Variants in VPS29 observed in about 807,000 individuals in gnomAD.
VPS29 encodes VPS29 retromer complex component, also known as vacuolar protein sorting-associated protein 29.
A neutral mutation model predicts 20.0 loss-of-function variants in VPS29; 2 were observed. That is an observed-to-expected ratio of 0.10 (90% confidence interval 0.04 to 0.31). VPS29 has a LOEUF of 0.31. VPS29 is among the 10% of genes least tolerant of loss of function. The pLI is 1.00. For missense variants in VPS29, 120 were observed against 215.3 expected (o/e 0.56, Z 2.77); for synonymous variants, 81 against 79.3 (o/e 1.02, Z -0.12).
In VPS29 at chr12:110,491,968, TG is replaced by T; in HGVS notation, c.*36del. 6.6e-7 allele frequency: 1 copy of T among 1,509,338 alleles called. No individual in the cohort carries two copies. The highest frequency in any genetic ancestry group is 9.2e-7 in the Non-Finnish European group (1 of 1,090,644). The allele number at this position is 1,509,338 out of a possible 1,614,324, so 93.5% of individuals were successfully genotyped here. A position where few individuals can be genotyped will look rare whatever the true frequency, so the allele number is the denominator to read the frequency against. ...TAATTACTTGATTTCAACAGGACAATGAAAAAAAACCAAAAATCATCAAGAC... is the reference window on the plus strand; with the variant it reads ...TAATTACTTGATTTCAACAGGACAATAAAAAAAACCAAAAATCATCAAGAC... On this transcript the variant is annotated 3_prime_UTR_variant, in exon 4 of 4. Transcript: ENST00000549578.
intron 2 of VPS29, among the ~76,000 whole-genome samples, chr12:110,494,549 C>T (rs1299899656): frequency 2.0e-5 from 3 of 151,476 alleles, no homozygotes; most frequent in Non-Finnish European, 4.4e-5. Flanking sequence ...CCACCGCACC[C>T]GGCCTAAAAT....
At chr12:110,494,166 G>A (rs566567480) in intron 2 of VPS29, among the ~76,000 whole-genome samples, 1 of 151,560 alleles carries the variant, frequency 6.6e-6, no homozygotes, top group South Asian at 2.1e-4. Context: ...TGCCCCTTCA[G>A]TTTGGTTTAA....
chr12:110,498,663 TTAAG>T (rs2062946144), intron 1 of VPS29: 2 of 186,886 alleles, frequency 1.1e-5, no homozygotes, highest in South Asian at 1.8e-4. Flanking sequence ...TTTAAAATTG[TTAAG>T]TAAGATTCTT....
chr12:110,501,775 T>A, intron 1 of VPS29: 1 of 1,081,432 alleles, frequency 9.2e-7, no homozygotes, highest in South Asian at 1.3e-5. Flanking sequence ...GCGTGTCTCG[T>A]GACAGGTCGG....
At chr12:110,500,130 AC>A in intron 1 of VPS29, among the ~76,000 whole-genome samples, 1 of 152,364 alleles carries the variant, frequency 6.6e-6, no homozygotes, top group South Asian at 2.1e-4. Context: ...GAACAAATCA[AC>A]TAAAGGTGAA....
chr12:110,499,685 A>T (rs978801824), intron 1 of VPS29: 1 of 642,944 alleles, frequency 1.6e-6, no homozygotes, highest in Non-Finnish European at 2.7e-6. Context: ...ATGAGCAAAC[A>T]ATTGTTAATG....
At chr12:110,501,724 A>G (rs1455089588) in intron 1 of VPS29, 1 of 1,237,950 alleles carries the variant, frequency 8.1e-7, no homozygotes, top group Non-Finnish European at 1.1e-6. Context: ...TCCCCGGAAC[A>G]TTCGAGGTAT....
intron 1 of VPS29, chr12:110,501,625 C>A: frequency 6.5e-7 from 1 of 1,534,226 alleles, no homozygotes; most frequent in Non-Finnish European, 8.7e-7. Flanking sequence ...TTCGAGAGGC[C>A]AGCTTCCACC....
chr12:110,497,760 G>A (rs907578496), intron 1 of VPS29, among the ~76,000 whole-genome samples: 5 of 151,456 alleles, frequency 3.3e-5, no homozygotes, highest in African/African-American at 1.2e-4. Flanking sequence ...AGCTGGGCAC[G>A]GTGGCAGGCG....
chr12:110,493,074 T>C lies in VPS29; in HGVS notation c.353A>G (p.Lys118Arg). Reference sequence around the variant, plus strand: ...ATTTTCATGCTCAAATGCTTCAAATTTGTGTGTGTGTCCCGAGATAAGAAT... The same window carrying C: ...ATTTTCATGCTCAAATGCTTCAAATCTGTGTGTGTGTCCCGAGATAAGAAT... ...VDILISGHTHKFEAFEHENKF... is the reference protein window; with the variant it reads ...VDILISGHTHRFEAFEHENKF... Residue 118 changes from lysine to arginine, a missense_variant, in exon 3 of 4, where the codon AAA becomes AGA. Physicochemically the swap from Lys to Arg is conservative, Grantham distance 26. Coordinates refer to ENST00000549578, the MANE Select transcript of VPS29 (RefSeq NM_016226.5). 6.2e-7 allele frequency: 1 copy of C among 1,614,072 alleles called. No individual in the cohort carries two copies. Among genetic ancestry groups the C allele is most frequent in the Non-Finnish European group, 8.5e-7 (1 of 1,180,004 alleles).
chr12:110,501,537 G>C, intron 1 of VPS29: 1 of 1,535,430 alleles, frequency 6.5e-7, no homozygotes, highest in Non-Finnish European at 8.7e-7. Flanking sequence ...TCAGGAGCGA[G>C]GAGGGTGGTT....
chr12:110,498,488 A>G lies in VPS29; in HGVS notation c.4-2285T>C, dbSNP rs540753909. On this transcript the variant is annotated intron_variant, in intron 1 of 3. Coordinates refer to ENST00000549578, the MANE Select transcript of VPS29 (RefSeq NM_016226.5). Reference sequence around the variant, plus strand: ...AGACTTTGTAAATGAAAATTAATCAAACAAACAAAATGTATGAAATTAAAA... The same window carrying G: ...AGACTTTGTAAATGAAAATTAATCAGACAAACAAAATGTATGAAATTAAAA... Among the ~76,000 whole-genome samples, 17 of 152,326 alleles carry G rather than the reference A, an allele frequency of 1.1e-4. No individual in the cohort carries two copies. In the South Asian group the frequency reaches 3.5e-3, roughly 32 times the overall value.
At chr12:110,492,824 A>G in intron 3 of VPS29, 172 bp downstream of exon 3, 1 of 591,634 alleles carries the variant, frequency 1.7e-6, no homozygotes, top group Non-Finnish European at 2.9e-6. Flanking sequence ...GGGTCTCACC[A>G]TATTGTCTAG....
chr12:110,498,097 G>A (rs1014632243), intron 1 of VPS29, among the ~76,000 whole-genome samples: 3 of 149,648 alleles, frequency 2.0e-5, no homozygotes, highest in Non-Finnish European at 4.4e-5. Context: ...TCAGCCTCCC[G>A]AGTAGCTGGG....
chr12:110,499,433 T>C, intron 1 of VPS29: 1 of 1,521,240 alleles, frequency 6.6e-7, no homozygotes, highest in Non-Finnish European at 8.9e-7. Flanking sequence ...AGCATGGGAA[T>C]TCGGTTACTT....
At chr12:110,499,471 A>C (rs934938992) in intron 1 of VPS29, 2 of 1,608,240 alleles carry the variant, frequency 1.2e-6, no homozygotes, top group African/African-American at 2.7e-5. Context: ...AAAGGGTAAG[A>C]AATCCAGTCA....
chr12:110,497,392 T>C (rs1033197971), intron 1 of VPS29, among the ~76,000 whole-genome samples: 3 of 151,400 alleles, frequency 2.0e-5, no homozygotes, highest in Non-Finnish European at 1.5e-5. Flanking sequence ...AATTTTTGTA[T>C]TTTTAGTAAA....
At chr12:110,499,222 G>C (rs2062955253) in intron 1 of VPS29, 1 of 274,096 alleles carries the variant, frequency 3.6e-6, no homozygotes. Flanking sequence ...TACTAGGACA[G>C]AATCCTCTGG....
chr12:110,491,246 T>C lies in VPS29; in HGVS notation c.*759A>G, dbSNP rs2062814954. ...AGGCATGTAGCACCATGCTGGCTAATTTTGTATTTTTAGTACAGACAGGGT... is the reference window on the plus strand; with the variant it reads ...AGGCATGTAGCACCATGCTGGCTAACTTTGTATTTTTAGTACAGACAGGGT... On this transcript the variant is annotated 3_prime_UTR_variant, in exon 4 of 4. Transcript: ENST00000549578. 6.6e-6 allele frequency: 1 copy of C among 151,948 alleles called. No individual in the cohort carries two copies. The highest frequency in any genetic ancestry group is 2.1e-4 in the South Asian group (1 of 4,820). The allele number at this position is 151,948 out of a possible 1,614,324, so 9.4% of individuals were successfully genotyped here.
Sources: allele counts gnomAD v4.1 joint callset (sites outside exome capture counted in the v4.1 genomes callset), GRCh38; gene constraint gnomAD v4.1.1; transcripts MANE v1.5; gene names NCBI Gene and HGNC (gene_info 2026-07-23, HGNC 2026-07-21).